The following TMEM132B variants were observed in gnomAD, a reference collection of about 807,000 sequenced individuals.
TMEM132B encodes transmembrane protein 132B.
TMEM132B carries 18 observed loss-of-function variants against 90.8 expected under a neutral mutation model. The observed-to-expected ratio is 0.20, with a 90% CI of 0.14 to 0.29. TMEM132B has a LOEUF of 0.29. TMEM132B is among the 10% of genes least tolerant of loss of function. The pLI is 1.00. For synonymous variants in TMEM132B, 504 were observed against 523.3 expected (o/e 0.96, Z 0.50); for missense variants, 1,096 against 1,326.8 (o/e 0.83, Z 2.70).
At chr12:125,300,596 GA>G (rs1197243576) in intron 1 of TMEM132B, among the ~76,000 whole-genome samples, 11 of 152,218 alleles carry the variant, frequency 7.2e-5, no homozygotes, top group Admixed American at 7.2e-4. Context: ...ACAATTTATA[GA>G]GTGCCTACTG....
chr12:125,649,073 T>C (rs1376742973), intron 6 of TMEM132B, among the ~76,000 whole-genome samples: 2 of 152,232 alleles, frequency 1.3e-5, no homozygotes, highest in Admixed American at 1.3e-4. Flanking sequence ...AATGCTATGT[T>C]TCTTTGCCAC....
At chr12:125,191,869 G>T (rs182149895) in intron 1 of TMEM132B, among the ~76,000 whole-genome samples, 1 of 152,130 alleles carries the variant, frequency 6.6e-6, no homozygotes, top group African/African-American at 2.4e-5. Flanking sequence ...TCTGTAAAAT[G>T]GGCCCCAAAA....
At chr12:125,648,530 GT>G (rs60114108) in intron 6 of TMEM132B, among the ~76,000 whole-genome samples, 29,041 of 132,404 alleles carry the variant, frequency 0.22, 2,840 homozygotes, top group African/African-American at 0.31. Flanking sequence ...AAGATCTCCT[GT>G]TTTTTTTTTT....
chr12:125,262,199 A>C (rs1200238864), intron 1 of TMEM132B, among the ~76,000 whole-genome samples: 1 of 148,752 alleles, frequency 6.7e-6, no homozygotes. Flanking sequence ...GCTTAATGGC[A>C]GGAGTTTGAG....
chr12:125,566,886 C>T (rs1349853730), intron 4 of TMEM132B, among the ~76,000 whole-genome samples: 1 of 124,328 alleles, frequency 8.0e-6, no homozygotes, highest in Non-Finnish European at 1.6e-5. Flanking sequence ...CACTGTCGCC[C>T]ATGCTGGAGT....
At position 125,209,469 on chromosome 12, in the gene TMEM132B, CA is replaced by C. The variant is rs1218347542; in HGVS notation, c.67+22604del. Among the ~76,000 whole-genome samples, 1 of 152,210 alleles carries C rather than the reference CA, an allele frequency of 6.6e-6. No homozygotes were observed. The highest frequency in any genetic ancestry group is 1.5e-5 in the Non-Finnish European group (1 of 68,034). ...GGCCCCCTTTCTGTCCTGGTCACCT[CA>C]GGGGAGAAGGGTGTTGGCTCAGTCA... On this transcript the variant is annotated intron_variant, in intron 1 of 8. Coordinates refer to ENST00000682704, the MANE Select transcript of TMEM132B (RefSeq NM_001366854.1). The surrounding 1 kb of genome is among the most constrained non-coding windows in gnomAD (Gnocchi z 4.4).
Position 125,621,987 on chromosome 12 carries a change from C to T in TMEM132B, c.1438-22089C>T, listed in dbSNP as rs375179933. On this transcript the variant is annotated intron_variant, in intron 5 of 8. Transcript: ENST00000682704. ...CACTAAGAATCTAGATTTCCCATTTCTCTTGAAGAATCAGGATCTCTCTGA... is the reference window on the plus strand; with the variant it reads ...CACTAAGAATCTAGATTTCCCATTTTTCTTGAAGAATCAGGATCTCTCTGA... Among the ~76,000 whole-genome samples the T allele has an allele frequency of 1.1e-4, 16 of 152,328 alleles. No individual in the cohort carries two copies. The East Asian group carries it at 2.5e-3, about 24-fold the overall frequency.
At chr12:125,394,506 G>C (rs1264934186) in intron 2 of TMEM132B, among the ~76,000 whole-genome samples, 1 of 152,194 alleles carries the variant, frequency 6.6e-6, no homozygotes, top group East Asian at 1.9e-4. Flanking sequence ...GTGGGCGACA[G>C]GGTTGATCTG....
chr12:125,400,216 T>G (rs1879279765), intron 2 of TMEM132B, among the ~76,000 whole-genome samples: 1 of 152,242 alleles, frequency 6.6e-6, no homozygotes, highest in Admixed American at 6.5e-5. Flanking sequence ...AATTTCTGAT[T>G]TGTCCAAAGC....
At chr12:125,292,357 T>G (rs1454940645) in intron 1 of TMEM132B, among the ~76,000 whole-genome samples, 1 of 152,250 alleles carries the variant, frequency 6.6e-6, no homozygotes, top group East Asian at 1.9e-4. Flanking sequence ...GTGAAATGTT[T>G]CCATTTCTCT....
At chr12:125,295,336 G>C (rs1875640089) in intron 1 of TMEM132B, among the ~76,000 whole-genome samples, 2 of 152,196 alleles carry the variant, frequency 1.3e-5, no homozygotes, top group Admixed American at 1.3e-4. Flanking sequence ...AGGTCTGTGA[G>C]CGTCTCCTAT....
At chr12:125,476,404 G>A (rs920081085) in intron 3 of TMEM132B, among the ~76,000 whole-genome samples, 8 of 152,158 alleles carry the variant, frequency 5.3e-5, no homozygotes, top group African/African-American at 1.7e-4. Flanking sequence ...ATATGCTTTT[G>A]TGTCTGGCTT....
In TMEM132B at chr12:125,660,472, T is replaced by G. The variant is rs1565890110; in HGVS notation, c.*5762T>G. 1 of 152,236 alleles carries G rather than the reference T, an allele frequency of 6.6e-6. No individual in the cohort carries two copies. Among genetic ancestry groups the G allele is most frequent in the African/African-American group, 2.4e-5 (1 of 41,470 alleles). The allele number at this position is 152,236 out of a possible 1,614,324, so 9.4% of individuals were successfully genotyped here. On this transcript the variant is annotated 3_prime_UTR_variant, in exon 9 of 9. Coordinates refer to ENST00000682704, the MANE Select transcript of TMEM132B (RefSeq NM_001366854.1). ...TTTTGGTATTGAAATCCTTAATGCC[T>G]GTTAGTTTCTTTATGGTTTTATACA...
intron 4 of TMEM132B, among the ~76,000 whole-genome samples, chr12:125,521,647 C>A (rs1253257823): frequency 6.6e-6 from 1 of 152,166 alleles, no homozygotes; most frequent in Non-Finnish European, 1.5e-5. Flanking sequence ...ATTACCAGAG[C>A]CCAGGACCTG....
intron 1 of TMEM132B, among the ~76,000 whole-genome samples, chr12:125,338,228 C>T (rs541399647): frequency 6.6e-6 from 1 of 152,190 alleles, no homozygotes; most frequent in Non-Finnish European, 1.5e-5. Context: ...AAGCCCTGGC[C>T]ACAGTGGCTT....
At chr12:125,569,166 G>A (rs1002451830) in intron 4 of TMEM132B, among the ~76,000 whole-genome samples, 2 of 152,024 alleles carry the variant, frequency 1.3e-5, no homozygotes, top group African/African-American at 2.4e-5. Context: ...GCTTTTGTGG[G>A]CATTTGTGTT....
intron 1 of TMEM132B, chr12:125,327,618 G>C (rs916470857): frequency 2.6e-5 from 4 of 152,286 alleles, no homozygotes; most frequent in African/African-American, 9.7e-5. Flanking sequence ...ACCTTCCAGA[G>C]ACTGTGGCCA....
intron 1 of TMEM132B, among the ~76,000 whole-genome samples, chr12:125,238,817 G>C (rs905138983): frequency 6.6e-6 from 1 of 152,170 alleles, no homozygotes; most frequent in African/African-American, 2.4e-5. Flanking sequence ...AAGGGAATCA[G>C]GGTATTGTTA....
At chr12:125,630,182 C>T (rs1013667385) in intron 5 of TMEM132B, among the ~76,000 whole-genome samples, 3 of 152,064 alleles carry the variant, frequency 2.0e-5, no homozygotes, top group Admixed American at 6.5e-5. Context: ...CCCTCCTCCT[C>T]TGTTTTTTGG....
Sources: gnomAD v4.1 joint callset for allele counts (sites outside exome capture counted in the v4.1 genomes callset) on GRCh38, gnomAD v4.1.1 for gene constraint, Gnocchi (gnomAD v3.1) non-coding constraint, MANE v1.5 for transcripts, NCBI Gene and HGNC (gene_info 2026-07-23, HGNC 2026-07-21) for gene names.